The following EPHB2 variants were observed in gnomAD, a reference collection of about 807,000 sequenced individuals.
The protein encoded by EPHB2 is ephrin type-B receptor 2.
A neutral mutation model predicts 96.4 loss-of-function variants in EPHB2; 18 were observed. That is an observed-to-expected ratio of 0.19 (90% CI 0.13 to 0.28). The LOEUF is 0.28. Ranked by LOEUF, EPHB2 falls within the 10% of genes least tolerant of loss-of-function variation. EPHB2 has a pLI of 1.00. For missense variants in EPHB2, 989 were observed against 1,355.4 expected, an observed-to-expected ratio of 0.73 and a Z score of 4.25; for synonymous variants, 506 against 534.1, an observed-to-expected ratio of 0.95 and a Z score of 0.72.
chr1:22,787,931 CA>C (rs1211792919), intron 3 of EPHB2, among the ~76,000 whole-genome samples: 2 of 152,300 alleles, frequency 1.3e-5, no homozygotes, highest in South Asian at 4.1e-4. Flanking sequence ...GGGTTGTTGG[CA>C]GGACTCTGTC....
chr1:22,878,876 G>T (rs369906859), intron 5 of EPHB2, among the ~76,000 whole-genome samples: 1 of 152,226 alleles, frequency 6.6e-6, no homozygotes, highest in Non-Finnish European at 1.5e-5. Context: ...TGGCAGCAGC[G>T]CAATCCAAAT....
chr1:22,918,020 T>A lies in EPHB2; in HGVS notation c.*4450T>A, dbSNP rs1640311737. The stretch of plus-strand genomic sequence containing the variant: ...TTGATATAAGTGGAGGTTGAGGCAG[T>A]TTAGGCGTGATGTACAGTCCAGCCA... On this transcript the variant is annotated 3_prime_UTR_variant, in exon 16 of 16. Transcript: ENST00000374630. The surrounding 1 kb of genome is among the most constrained non-coding windows in gnomAD (Gnocchi z 4.2). The A allele has an allele frequency of 6.6e-6, 1 of 152,260 alleles. No individual in the cohort carries two copies. The highest frequency in any genetic ancestry group is 1.5e-5 in the Non-Finnish European group (1 of 68,222). 9.4% of individuals were successfully genotyped at this position (152,260 alleles called of 1,614,324 possible).
intron 2 of EPHB2, among the ~76,000 whole-genome samples, chr1:22,783,121 G>C (rs565349626): frequency 2.6e-5 from 4 of 152,308 alleles, no homozygotes; most frequent in African/African-American, 9.6e-5. Flanking sequence ...GGGCACACTT[G>C]GTGTCCTTGT....
chr1:22,865,324 A>C, intron 5 of EPHB2, 112 bp downstream of exon 5: 5 of 1,316,122 alleles, frequency 3.8e-6, no homozygotes, highest in South Asian at 2.4e-5. Context: ...TCTTCTTTTC[A>C]AAGGCTTTTC....
Position 22,826,095 on chromosome 1 carries a change from G to C in EPHB2, c.812-36942G>C, listed in dbSNP as rs531397349. Among the ~76,000 whole-genome samples, 5 of 152,332 alleles carry C rather than the reference G, an allele frequency of 3.3e-5. No homozygotes were observed. The South Asian group carries it at 6.2e-4, about 19-fold the overall frequency. On this transcript the variant is annotated intron_variant, in intron 3 of 15. Transcript: ENST00000374630. ...GGAGCCACGGCCAGATTCTGAGCAG[G>C]AGAGTAGCTAGATCAGCTGATTGGC...
rs757529004 is a variant in EPHB2 at position 22,784,833 on chromosome 1, G to A, written c.568G>A (p.Val190Met). The A allele has an allele frequency of 1.1e-5, 18 of 1,604,984 alleles. No individual in the cohort carries two copies. The highest frequency in any genetic ancestry group is 2.2e-5 in the East Asian group (1 of 44,784). Reference protein sequence around the residue: ...DYGGCMSLIAVRVFYRKCPRI... With the variant: ...DYGGCMSLIAMRVFYRKCPRI... ...TGGCGGCTGCATGTCCCTCATCGCC[G>A]TGCGTGTCTTCTACCGCAAGTGCCC... is the stretch of plus-strand genomic sequence containing the variant. The change falls in exon 3 of 16, where the codon GTG (valine) becomes ATG (methionine). Residue 190 changes from valine (V) to methionine (M), a missense_variant. Physicochemically the swap from Val to Met is conservative, Grantham distance 21. Transcript: ENST00000374630. This position sits in a 1 kb window ranked among gnomAD's most constrained non-coding sequence, Gnocchi z 5.1.
intron 13 of EPHB2, among the ~76,000 whole-genome samples, chr1:22,909,542 G>A (rs369157531): frequency 3.3e-5 from 5 of 152,218 alleles, no homozygotes; most frequent in African/African-American, 1.2e-4. Flanking sequence ...TTACGATCAG[G>A]TGCTAAATCA....
intron 3 of EPHB2, among the ~76,000 whole-genome samples, chr1:22,810,994 A>G (rs536583991): frequency 1.0e-3 from 155 of 152,288 alleles, no homozygotes; most frequent in Middle Eastern, 6.8e-3. Context: ...TGAGGTGTCA[A>G]GGACCTAAAC....
chr1:22,801,812 G>A (rs920545554), intron 3 of EPHB2, among the ~76,000 whole-genome samples: 1 of 152,210 alleles, frequency 6.6e-6, no homozygotes, highest in African/African-American at 2.4e-5. Context: ...TTGTGGCCCA[G>A]GAAGAATGCC....
In EPHB2 at chr1:22,809,317, C is replaced by T. The variant is rs545513794; in HGVS notation, c.811+24241C>T. Among the ~76,000 whole-genome samples the T allele has an allele frequency of 5.0e-4, 76 of 152,200 alleles. 1 individual carries two copies. The highest frequency in any genetic ancestry group is 9.3e-4 in the Non-Finnish European group (63 of 68,048). On this transcript the variant is annotated intron_variant, in intron 3 of 15. Coordinates refer to ENST00000374630, the MANE Select transcript of EPHB2 (RefSeq NM_017449.5). Reference sequence around the variant, plus strand: ...GCCTGGAGTATTTACTCGGCACCCTCAGAGCAAGACAATTAAGTGGAGCTT... The same window carrying T: ...GCCTGGAGTATTTACTCGGCACCCTTAGAGCAAGACAATTAAGTGGAGCTT...
At chr1:22,809,283 C>T (rs913113520) in intron 3 of EPHB2, among the ~76,000 whole-genome samples, 3 of 152,202 alleles carry the variant, frequency 2.0e-5, no homozygotes, top group African/African-American at 7.2e-5. Context: ...AGTTTCCAGG[C>T]ACCAGCTGGC....
At chr1:22,810,639 G>C (rs547459435) in intron 3 of EPHB2, among the ~76,000 whole-genome samples, 1 of 152,304 alleles carries the variant, frequency 6.6e-6, no homozygotes, top group African/African-American at 2.4e-5. Context: ...AGGGCAGGGG[G>C]TGCAGGGACT....
rs762351366 is a variant in EPHB2, at chr1:22,865,060, G to A, written c.1151G>A (p.Arg384His). The change falls in exon 5 of 16, where the codon CGC becomes CAC. Residue 384 changes from arginine (R) to histidine (H), a missense_variant. Transcript: ENST00000374630. ...RCGDNVQYAP[R>H]QLGLTEPRIY... ...GGGGACAATGTACAGTACGCACCAC[G>A]CCAGCTAGGCCTGACCGAGCCACGC... The A allele has an allele frequency of 5.0e-6, 8 of 1,614,064 alleles. No homozygotes were observed. The highest frequency in any genetic ancestry group is 3.3e-5 in the South Asian group (3 of 91,090).
chr1:22,785,478 C>G (rs1390370396), intron 3 of EPHB2, among the ~76,000 whole-genome samples: 1 of 152,246 alleles, frequency 6.6e-6, no homozygotes, highest in African/African-American at 2.4e-5. Context: ...AGCTTTTACT[C>G]TGTCAGTATA....
intron 1 of EPHB2, among the ~76,000 whole-genome samples, chr1:22,756,498 G>A (rs1310972273): frequency 4.6e-5 from 7 of 152,160 alleles, no homozygotes; most frequent in East Asian, 1.9e-4. Context: ...GCCCGTGGGC[G>A]GCTTTATCTG....
intron 4 of EPHB2, among the ~76,000 whole-genome samples, chr1:22,864,244 C>T (rs1638388951): frequency 6.6e-6 from 1 of 151,944 alleles, no homozygotes; most frequent in Admixed American, 6.6e-5. Context: ...ACGGGGTTTC[C>T]TATGTTGGCC....
chr1:22,750,731 C>G (rs1644049619), intron 1 of EPHB2, among the ~76,000 whole-genome samples: 1 of 152,238 alleles, frequency 6.6e-6, no homozygotes, highest in Non-Finnish European at 1.5e-5. Context: ...TTTTATTTAA[C>G]AAACATACAA....
chr1:22,883,943 C>G (rs1225804063), intron 6 of EPHB2, among the ~76,000 whole-genome samples: 2 of 152,112 alleles, frequency 1.3e-5, no homozygotes, highest in Admixed American at 6.5e-5. Flanking sequence ...GGCCCCCAAA[C>G]ACCTCCTGGG....
intron 3 of EPHB2, among the ~76,000 whole-genome samples, chr1:22,798,561 A>G (rs1001336487): frequency 2.0e-5 from 3 of 151,916 alleles, no homozygotes; most frequent in African/African-American, 7.3e-5. Flanking sequence ...GTCCTAGACC[A>G]GAGGCTGCTG....
Sources: allele counts gnomAD v4.1 joint callset (sites outside exome capture counted in the v4.1 genomes callset), GRCh38; gene constraint gnomAD v4.1.1; non-coding constraint Gnocchi (gnomAD v3.1); transcripts MANE v1.5; gene names NCBI Gene and HGNC (gene_info 2026-07-23, HGNC 2026-07-21).